The following KCNT2 variants were observed in gnomAD, a reference collection of about 807,000 sequenced individuals.
The protein encoded by KCNT2 is potassium channel subfamily T member 2.
In KCNT2, 67 loss-of-function variants were observed where a neutral mutation model predicts 153.8. The observed-to-expected ratio is 0.44, with a 90% CI of 0.36 to 0.53. KCNT2 has a LOEUF of 0.53. KCNT2 is among the 20% of genes least tolerant of loss of function. KCNT2 has a pLI of 0.00. For missense variants in KCNT2, 975 were observed against 1,354.8 expected (o/e 0.72, Z 4.40); for synonymous variants, 500 against 458.8 (o/e 1.09, Z -1.15).
chr1:196,499,148 A>G (rs895947425), intron 1 of KCNT2, among the ~76,000 whole-genome samples: 5 of 152,208 alleles, frequency 3.3e-5, no homozygotes, highest in Admixed American at 1.3e-4. Flanking sequence ...ACCTGGGACT[A>G]CTAGAACCTG....
chr1:196,310,479 T>G (rs1662057434), intron 21 of KCNT2, among the ~76,000 whole-genome samples: 1 of 151,926 alleles, frequency 6.6e-6, no homozygotes, highest in South Asian at 2.1e-4. Context: ...CCATCACCAA[T>G]CTAAACATTA....
intron 1 of KCNT2, among the ~76,000 whole-genome samples, chr1:196,557,748 T>A (rs892678497): frequency 6.6e-6 from 1 of 151,366 alleles, no homozygotes; most frequent in Non-Finnish European, 1.5e-5. Flanking sequence ...AAAAAAAACT[T>A]CAATTTTTTG....
intron 11 of KCNT2, 145 bp from the exon 12 acceptor site, chr1:196,423,258 T>C: frequency 2.8e-3 from 959 of 341,202 alleles, no homozygotes; most frequent in East Asian, 5.4e-3. Flanking sequence ...GAAAGTTGAA[T>C]TTCTAGCAGA....
At position 196,225,935 on chromosome 1, in the gene KCNT2, T is replaced by A. The variant is rs185632059; in HGVS notation, c.*2289A>T. 2.0e-5 allele frequency: 3 copies of A among 152,144 alleles called. No homozygotes were observed. Among genetic ancestry groups the A allele is most frequent in the Non-Finnish European group, 4.4e-5 (3 of 67,960 alleles). The allele number at this position is 152,144 out of a possible 1,614,324, so 9.4% of individuals were successfully genotyped here. The stretch of plus-strand genomic sequence containing the variant: ...TTTTCATGTGCAAGTATAATTATTT[T>A]AAAAAGGCAACATTTCATTAAAAGT... On this transcript the variant is annotated 3_prime_UTR_variant, in exon 28 of 28. Coordinates refer to ENST00000294725, the MANE Select transcript of KCNT2 (RefSeq NM_198503.5).
intron 21 of KCNT2, 68 bp from the exon 22 acceptor site, chr1:196,305,413 T>A (rs948760109): frequency 1.2e-6 from 1 of 821,798 alleles, no homozygotes. Flanking sequence ...ACAACATATT[T>A]ATGAGTGAGT....
intron 5 of KCNT2, among the ~76,000 whole-genome samples, chr1:196,474,054 A>T (rs996192324): frequency 5.9e-5 from 9 of 152,110 alleles, no homozygotes; most frequent in African/African-American, 2.2e-4. Flanking sequence ...TATTGACAGA[A>T]TTCAATAAAA....
chr1:196,601,465 T>A (rs577199539), intron 1 of KCNT2, among the ~76,000 whole-genome samples: 18 of 152,348 alleles, frequency 1.2e-4, no homozygotes, highest in African/African-American at 4.3e-4. Flanking sequence ...AGTGTGCTTC[T>A]TGATAATTAG....
At chr1:196,285,371 C>T (rs1659558787) in intron 23 of KCNT2, among the ~76,000 whole-genome samples, 1 of 151,860 alleles carries the variant, frequency 6.6e-6, no homozygotes, top group Non-Finnish European at 1.5e-5. Context: ...GAGTAACATG[C>T]AAAATGTACT....
intron 22 of KCNT2, among the ~76,000 whole-genome samples, chr1:196,302,848 A>G (rs1222341799): frequency 2.0e-5 from 3 of 152,078 alleles, no homozygotes; most frequent in Non-Finnish European, 4.4e-5. Flanking sequence ...TATGGTAACA[A>G]GTGGATCAAA....
intron 1 of KCNT2, among the ~76,000 whole-genome samples, chr1:196,566,937 T>C (rs1230645943): frequency 2.0e-5 from 3 of 152,100 alleles, no homozygotes; most frequent in African/African-American, 7.2e-5. Context: ...TTCAAATGTT[T>C]CATATAATAC....
intron 1 of KCNT2, among the ~76,000 whole-genome samples, chr1:196,536,233 A>T (rs139135472): frequency 5.9e-5 from 9 of 152,360 alleles, no homozygotes; most frequent in African/African-American, 2.2e-4. Context: ...GGAGAAAGAC[A>T]TCTTTCCTAC....
At chr1:196,450,439 A>C (rs1218661614) in intron 8 of KCNT2, among the ~76,000 whole-genome samples, 1 of 151,882 alleles carries the variant, frequency 6.6e-6, no homozygotes, top group Non-Finnish European at 1.5e-5. Flanking sequence ...TGTATTTCTA[A>C]AAGTTATGTA....
At chr1:196,234,155 T>A (rs1654203932) in intron 27 of KCNT2, among the ~76,000 whole-genome samples, 1 of 151,366 alleles carries the variant, frequency 6.6e-6, no homozygotes. Flanking sequence ...TATCAAAATA[T>A]CACATGTACC....
At chr1:196,263,461 G>T (rs1657220859) in intron 25 of KCNT2, among the ~76,000 whole-genome samples, 1 of 152,022 alleles carries the variant, frequency 6.6e-6, no homozygotes, top group Non-Finnish European at 1.5e-5. Flanking sequence ...ACAGGGAGGG[G>T]AACATCACAC....
chr1:196,424,934 C>T (rs751020510), intron 11 of KCNT2, among the ~76,000 whole-genome samples: 8 of 151,390 alleles, frequency 5.3e-5, no homozygotes, highest in South Asian at 2.1e-4. Context: ...AATACACACC[C>T]GCTCATGCAC....
At chr1:196,298,783 C>T (rs578002642) in intron 22 of KCNT2, among the ~76,000 whole-genome samples, 1 of 147,416 alleles carries the variant, frequency 6.8e-6, no homozygotes, top group South Asian at 2.3e-4. Flanking sequence ...TCCATAAGTC[C>T]CTTTGTTACC....
intron 1 of KCNT2, among the ~76,000 whole-genome samples, chr1:196,510,507 G>A (rs1441483832): frequency 1.3e-5 from 2 of 152,128 alleles, no homozygotes; most frequent in Admixed American, 6.6e-5. Context: ...CACTTAAACA[G>A]ATTATAAAAT....
chr1:196,604,153 T>A (rs1665054163), intron 1 of KCNT2, among the ~76,000 whole-genome samples: 1 of 152,238 alleles, frequency 6.6e-6, no homozygotes, highest in South Asian at 2.1e-4. Flanking sequence ...AAGCAAATGC[T>A]GAATATCCTT....
Position 196,489,239 on chromosome 1 carries a change from T to C in KCNT2, c.275+599A>G, listed in dbSNP as rs576201082. Among the ~76,000 whole-genome samples, 45 of 152,158 alleles carry C rather than the reference T, an allele frequency of 3.0e-4. No homozygotes were observed. In the South Asian group the frequency reaches 9.1e-3, roughly 31 times the overall value. On this transcript the variant is annotated intron_variant, in intron 3 of 27. Coordinates refer to ENST00000294725, the MANE Select transcript of KCNT2 (RefSeq NM_198503.5). The stretch of plus-strand genomic sequence containing the variant: ...TACTAAGGAACTTCTTTTACTCATG[T>C]ATCCATTCATTCATTTAACAAATAA...
Sources: gnomAD v4.1 joint callset for allele counts (sites outside exome capture counted in the v4.1 genomes callset) on GRCh38, gnomAD v4.1.1 for gene constraint, MANE v1.5 for transcripts, NCBI Gene and HGNC (gene_info 2026-07-23, HGNC 2026-07-21) for gene names.